PPM1L: variants seen among roughly 807,000 people sequenced by gnomAD.
The protein encoded by PPM1L is protein phosphatase 1L.
PPM1L carries 13 observed loss-of-function variants against 31.4 expected under a neutral mutation model. That is an observed-to-expected ratio of 0.41 (90% CI 0.27 to 0.66). The LOEUF (loss-of-function observed/expected upper bound fraction) is 0.66. Among genes scored for constraint, PPM1L ranks in the 30% least tolerant of loss-of-function variants. The pLI, the probability that PPM1L is intolerant of heterozygous loss-of-function variation, is 0.29. For missense variants in PPM1L, 326 were observed against 453.7 expected (o/e 0.72, Z 2.56); for synonymous variants, 184 against 175.4 (o/e 1.05, Z -0.39).
rs561514310 is a variant in PPM1L at position 160,841,155 on chromosome 3, T to C, written c.399+84448T>C. The stretch of plus-strand genomic sequence containing the variant: ...GTACATATTGTGAGTCATCTTGGAA[T>C]TGCCAGAGTCCAAGACTTTTTTTTT... On this transcript the variant is annotated intron_variant, in intron 1 of 3. Coordinates refer to ENST00000498165, the MANE Select transcript of PPM1L (RefSeq NM_139245.4). 5.0e-4 allele frequency among the ~76,000 whole-genome samples: 76 copies of C among 152,234 alleles called. 1 individual carries two copies. The highest frequency in any genetic ancestry group is 3.0e-3 in the Admixed American group (46 of 15,286).
At chr3:160,775,191 A>G (rs1015210432) in intron 1 of PPM1L, among the ~76,000 whole-genome samples, 7 of 152,208 alleles carry the variant, frequency 4.6e-5, no homozygotes, top group Admixed American at 4.6e-4. Context: ...GGGTTATACA[A>G]CGGCTAAATG....
intron 1 of PPM1L, among the ~76,000 whole-genome samples, chr3:160,762,079 T>C (rs1312941552): frequency 6.6e-6 from 1 of 152,190 alleles, no homozygotes; most frequent in Non-Finnish European, 1.5e-5. Flanking sequence ...TTTATGTAAG[T>C]TTCATTGACT....
chr3:161,010,337 C>G (rs934056084), intron 2 of PPM1L, among the ~76,000 whole-genome samples: 1 of 151,858 alleles, frequency 6.6e-6, no homozygotes, highest in African/African-American at 2.4e-5. Flanking sequence ...TGAACTCATC[C>G]TTTTTATGGC....
chr3:161,065,557 G>C lies in PPM1L; in HGVS notation c.729G>C (p.Lys243Asn), dbSNP rs2108110433. 6.2e-7 allele frequency: 1 copy of C among 1,613,298 alleles called. No individual in the cohort carries two copies. Among genetic ancestry groups the C allele is most frequent in the East Asian group, 2.2e-5 (1 of 44,866 alleles). ...AGTTGAAGGAAAGAAAGAGGATAAA[G>C]AGAGCAGGTGAGCTTGTGAACACCT... is the stretch of plus-strand genomic sequence containing the variant. Reference protein sequence around the residue: ...PYQLKERKRIKRAGGFISFNG... With the variant: ...PYQLKERKRINRAGGFISFNG... The change falls in exon 3 of 4, where the codon AAG becomes AAC. Residue 243 changes from lysine (K) to asparagine (N), a missense_variant. Lys to Asn is a moderately conservative substitution (Grantham distance 94). Transcript: ENST00000498165.
intron 1 of PPM1L, among the ~76,000 whole-genome samples, chr3:160,927,633 C>T (rs1375790750): frequency 6.0e-5 from 9 of 150,996 alleles, no homozygotes; most frequent in African/African-American, 2.0e-4. Flanking sequence ...TGTGTGCGTG[C>T]GTGTGCGTGC....
chr3:161,052,716 T>C (rs1559938306), intron 2 of PPM1L, among the ~76,000 whole-genome samples: 2 of 152,344 alleles, frequency 1.3e-5, no homozygotes, highest in East Asian at 1.9e-4. Context: ...TATGGTCATT[T>C]GTATAAGGAT....
intron 2 of PPM1L, among the ~76,000 whole-genome samples, chr3:160,971,100 T>G (rs537486517): frequency 6.6e-6 from 1 of 152,300 alleles, no homozygotes; most frequent in South Asian, 2.1e-4. Context: ...GACTTTGACA[T>G]CTACAAAATA....
intron 1 of PPM1L, among the ~76,000 whole-genome samples, chr3:160,830,080 G>T (rs1324051439): frequency 1.3e-5 from 2 of 152,192 alleles, no homozygotes; most frequent in Non-Finnish European, 2.9e-5. Context: ...ATGAATCTTG[G>T]CCTTGTGAGC....
chr3:161,064,229 C>T (rs564316143), intron 2 of PPM1L, among the ~76,000 whole-genome samples: 1 of 149,286 alleles, frequency 6.7e-6, no homozygotes, highest in African/African-American at 2.5e-5. Context: ...CAAGCCAGCA[C>T]CATGGCATGC....
intron 1 of PPM1L, among the ~76,000 whole-genome samples, chr3:160,787,205 A>G (rs942672679): frequency 1.3e-5 from 2 of 152,178 alleles, no homozygotes; most frequent in African/African-American, 4.8e-5. Flanking sequence ...GGCTGAACTA[A>G]TTTACATTTC....
At chr3:160,805,179 G>A (rs1388897449) in intron 1 of PPM1L, among the ~76,000 whole-genome samples, 1 of 152,168 alleles carries the variant, frequency 6.6e-6, no homozygotes, top group African/African-American at 2.4e-5. Flanking sequence ...ATGTAATTCA[G>A]TACTGAGTGT....
At chr3:161,011,869 T>C (rs1717906155) in intron 2 of PPM1L, among the ~76,000 whole-genome samples, 1 of 152,330 alleles carries the variant, frequency 6.6e-6, no homozygotes, top group Admixed American at 6.5e-5. Flanking sequence ...ATTGATTTTG[T>C]ATCCTGAGAA....
chr3:160,985,558 G>C (rs1307893370), intron 2 of PPM1L, among the ~76,000 whole-genome samples: 4 of 152,034 alleles, frequency 2.6e-5, no homozygotes, highest in Non-Finnish European at 5.9e-5. Context: ...TGTTTTCCTT[G>C]TTTTTTTCTA....
intron 1 of PPM1L, among the ~76,000 whole-genome samples, chr3:160,849,169 C>CT (rs1218726895): frequency 6.6e-6 from 1 of 152,106 alleles, no homozygotes; most frequent in Non-Finnish European, 1.5e-5. Context: ...AGCACTCTGT[C>CT]TTTTTTTCAC....
At chr3:160,986,118 T>G (rs1351297469) in intron 2 of PPM1L, among the ~76,000 whole-genome samples, 1 of 152,226 alleles carries the variant, frequency 6.6e-6, no homozygotes, top group Non-Finnish European at 1.5e-5. Context: ...CTTTCACATC[T>G]CAACGTCTCA....
intron 1 of PPM1L, among the ~76,000 whole-genome samples, chr3:160,949,180 C>T (rs181656313): frequency 2.4e-4 from 37 of 152,150 alleles, no homozygotes; most frequent in Admixed American, 1.8e-3. Flanking sequence ...TAGAAAAAAC[C>T]GAAGCCCTGT....
rs112871042 is a variant in PPM1L, at chr3:160,974,237, T to A, written c.574+12327T>A. 6.8e-3 allele frequency among the ~76,000 whole-genome samples: 1,028 copies of A among 151,766 alleles called. 3 individuals are homozygous for A. Among genetic ancestry groups the A allele is most frequent in the Non-Finnish European group, 0.011 (716 of 67,830 alleles). On this transcript the variant is annotated intron_variant, in intron 2 of 3. Transcript: ENST00000498165. The stretch of plus-strand genomic sequence containing the variant: ...TATGGCTGCATAGTATTCCATGGTG[T>A]ATATGTGCCACATTTTCTTAATCCA...
intron 1 of PPM1L, among the ~76,000 whole-genome samples, chr3:160,889,786 T>C (rs1236733741): frequency 6.6e-6 from 1 of 152,086 alleles, no homozygotes; most frequent in Non-Finnish European, 1.5e-5. Context: ...CAGTAGCATA[T>C]CAAAAAACGT....
At chr3:161,042,985 A>C (rs1576802034) in intron 2 of PPM1L, among the ~76,000 whole-genome samples, 1 of 149,208 alleles carries the variant, frequency 6.7e-6, no homozygotes, top group Admixed American at 6.7e-5. Flanking sequence ...ACGCCAGTGC[A>C]CTCCAGCCTG....
Sources: allele counts gnomAD v4.1 joint callset (sites outside exome capture counted in the v4.1 genomes callset), GRCh38; gene constraint gnomAD v4.1.1; transcripts MANE v1.5; gene names NCBI Gene and HGNC (gene_info 2026-07-23, HGNC 2026-07-21).